Variants in ADGRL3 observed in about 807,000 individuals in gnomAD.
The protein encoded by ADGRL3 is adhesion G protein-coupled receptor L3, also known as calcium-independent alpha-latrotoxin receptor 3.
ADGRL3 carries 62 observed loss-of-function variants against 153.5 expected under a neutral mutation model. The ratio of observed to expected loss-of-function variants is 0.40; its 90% CI spans 0.33 to 0.50. The LOEUF is 0.50. Ranked by LOEUF, ADGRL3 falls within the 20% of genes least tolerant of loss-of-function variation. The pLI is 0.47. For synonymous variants in ADGRL3, 710 were observed against 672.5 expected, an observed-to-expected ratio of 1.06 and a Z score of -0.86; for missense variants, 1,641 against 1,859.4, an observed-to-expected ratio of 0.88 and a Z score of 2.16.
At chr4:61,374,615 T>C (rs935194705) in intron 1 of ADGRL3, among the ~76,000 whole-genome samples, 1 of 152,014 alleles carries the variant, frequency 6.6e-6, no homozygotes, top group African/African-American at 2.4e-5. Flanking sequence ...CTACAGGCAA[T>C]GTGGGAAGGG....
chr4:62,044,464 T>C lies in ADGRL3; in HGVS notation c.3729T>C (p.Arg1243=). 1 of 1,589,498 alleles carries C rather than the reference T, an allele frequency of 6.3e-7. No individual in the cohort carries two copies. The highest frequency in any genetic ancestry group is 8.6e-7 in the Non-Finnish European group (1 of 1,167,080). ...RYSTGSQSRI[R]RMWNDTVRKQ... ...TTTCCCCCACCCAGAGCCGAATCCGTAGAATGTGGAATGACACGGTTCGAA... is the reference window on the plus strand; with the variant it reads ...TTTCCCCCACCCAGAGCCGAATCCGCAGAATGTGGAATGACACGGTTCGAA... Residue 1243 remains arginine (R), a synonymous_variant, in exon 25 of 27, where the codon CGT becomes CGC. Transcript: ENST00000683033.
At chr4:61,568,480 A>G (rs1263288373) in intron 4 of ADGRL3, among the ~76,000 whole-genome samples, 1 of 152,158 alleles carries the variant, frequency 6.6e-6, no homozygotes, top group Non-Finnish European at 1.5e-5. Context: ...TGCTTAATAA[A>G]TTGAAGCAGT....
chr4:61,545,809 G>T (rs536787529), intron 4 of ADGRL3, among the ~76,000 whole-genome samples: 5 of 152,076 alleles, frequency 3.3e-5, no homozygotes, highest in Admixed American at 2.0e-4. Context: ...GCTACCGCGC[G>T]GGGCCTCTGT....
intron 4 of ADGRL3, among the ~76,000 whole-genome samples, chr4:61,570,300 G>C (rs2098833237): frequency 6.6e-6 from 1 of 152,074 alleles, no homozygotes; most frequent in Non-Finnish European, 1.5e-5. Flanking sequence ...TCCACATCCT[G>C]ATAGTTAACA....
chr4:61,705,608 A>C (rs2095844184), intron 6 of ADGRL3, among the ~76,000 whole-genome samples: 1 of 151,746 alleles, frequency 6.6e-6, no homozygotes, highest in Non-Finnish European at 1.5e-5. Flanking sequence ...AGCAATGCTC[A>C]TGCCTCAGCC....
At chr4:61,688,141 G>C (rs1266295217) in intron 6 of ADGRL3, among the ~76,000 whole-genome samples, 1 of 151,934 alleles carries the variant, frequency 6.6e-6, no homozygotes, top group African/African-American at 2.4e-5. Flanking sequence ...TTCTCTCTAT[G>C]GCTAATTGCT....
At chr4:61,451,202 C>T (rs1201486850) in intron 2 of ADGRL3, among the ~76,000 whole-genome samples, 4 of 151,952 alleles carry the variant, frequency 2.6e-5, no homozygotes, top group Non-Finnish European at 4.4e-5. Flanking sequence ...AATATACAGA[C>T]AAGAGTTTGG....
intron 17 of ADGRL3, among the ~76,000 whole-genome samples, chr4:61,966,290 T>A (rs1395504809): frequency 6.6e-6 from 1 of 152,210 alleles, no homozygotes; most frequent in Non-Finnish European, 1.5e-5. Context: ...TCTTGCCTCA[T>A]GCAGTGTCTA....
At chr4:61,365,108 T>C (rs2096370821) in intron 1 of ADGRL3, among the ~76,000 whole-genome samples, 1 of 152,146 alleles carries the variant, frequency 6.6e-6, no homozygotes. Context: ...TCATAGAAAA[T>C]GGTTATGACA....
At chr4:61,643,773 G>A (rs1378762189) in intron 5 of ADGRL3, among the ~76,000 whole-genome samples, 7 of 137,058 alleles carry the variant, frequency 5.1e-5, no homozygotes, top group East Asian at 4.4e-4. Flanking sequence ...GTCTCTGCCC[G>A]GCTTTGGTAT....
At chr4:62,007,356 T>TATATATATATA (rs1553908564) in intron 21 of ADGRL3, among the ~76,000 whole-genome samples, 1 of 30,914 alleles carries the variant, frequency 3.2e-5, no homozygotes, top group African/African-American at 1.2e-4. Context: ...GACAAAATGA[T>TATATATATATA]TATATATATA....
intron 1 of ADGRL3, among the ~76,000 whole-genome samples, chr4:61,364,123 A>G (rs941357749): frequency 6.6e-6 from 1 of 151,888 alleles, no homozygotes; most frequent in African/African-American, 2.4e-5. Context: ...CAAGGTCAAG[A>G]GATCGAGATC....
intron 16 of ADGRL3, among the ~76,000 whole-genome samples, chr4:61,947,372 GAGCT>G (rs1156492581): frequency 6.6e-6 from 1 of 152,082 alleles, no homozygotes; most frequent in African/African-American, 2.4e-5. Flanking sequence ...TAACTAAAAA[GAGCT>G]AGCTCAAGTG....
At chr4:61,723,164 C>T (rs1306519048) in intron 6 of ADGRL3, among the ~76,000 whole-genome samples, 1 of 152,108 alleles carries the variant, frequency 6.6e-6, no homozygotes, top group African/African-American at 2.4e-5. Flanking sequence ...AAAGTCTTTA[C>T]ACAGATTTCT....
intron 8 of ADGRL3, among the ~76,000 whole-genome samples, chr4:61,744,648 G>C (rs1033767703): frequency 1.3e-5 from 2 of 152,224 alleles, no homozygotes; most frequent in African/African-American, 2.4e-5. Context: ...ACCTGCAGCT[G>C]AGGGTCCTAT....
chr4:61,958,864 A>T (rs2098977622), intron 17 of ADGRL3, among the ~76,000 whole-genome samples: 1 of 152,146 alleles, frequency 6.6e-6, no homozygotes, highest in Non-Finnish European at 1.5e-5. Context: ...AAAGGTGAGA[A>T]GAGCCTGTCT....
intron 8 of ADGRL3, among the ~76,000 whole-genome samples, chr4:61,792,086 A>G (rs1433869062): frequency 6.6e-6 from 1 of 152,122 alleles, no homozygotes; most frequent in Non-Finnish European, 1.5e-5. Context: ...GCAGGCTTGA[A>G]TTTCTCCTCA....
intron 6 of ADGRL3, among the ~76,000 whole-genome samples, chr4:61,715,556 CA>C (rs1309217216): frequency 6.6e-6 from 1 of 151,892 alleles, no homozygotes; most frequent in African/African-American, 2.4e-5. Context: ...TAAATGAAAG[CA>C]AGATGTTTAT....
chr4:61,642,583 A>C (rs1203224029), intron 5 of ADGRL3, among the ~76,000 whole-genome samples: 6 of 152,176 alleles, frequency 3.9e-5, no homozygotes, highest in Non-Finnish European at 5.9e-5. Context: ...GGTTCGTCAA[A>C]TATCAGATAG....
Sources: gnomAD v4.1 joint callset for allele counts (sites outside exome capture counted in the v4.1 genomes callset) on GRCh38, gnomAD v4.1.1 for gene constraint, MANE v1.5 for transcripts, NCBI Gene and HGNC (gene_info 2026-07-23, HGNC 2026-07-21) for gene names.